PTPRD: variants seen among roughly 807,000 people sequenced by gnomAD.
PTPRD encodes the protein protein tyrosine phosphatase receptor type D.
PTPRD carries 34 observed loss-of-function variants against 214.5 expected under a neutral mutation model. The ratio of observed to expected loss-of-function variants is 0.16; its 90% CI spans 0.12 to 0.21. The LOEUF is 0.21. PTPRD is among the 10% of genes least tolerant of loss of function. The pLI, the probability that PTPRD is intolerant of heterozygous loss-of-function variation, is 1.00. For missense variants in PTPRD, 2,545 were observed against 2,398.7 expected (o/e 1.06, Z -1.27); for synonymous variants, 1,128 against 845.7 (o/e 1.33, Z -5.79).
At chr9:9,867,296 G>A (rs538987404) in intron 5 of PTPRD, among the ~76,000 whole-genome samples, 2 of 152,174 alleles carry the variant, frequency 1.3e-5, no homozygotes, top group South Asian at 4.2e-4. Context: ...TTCTTAGGCA[G>A]CTATGAATAA....
At chr9:8,416,140 T>C (rs1037880450) in intron 35 of PTPRD, among the ~76,000 whole-genome samples, 1 of 152,102 alleles carries the variant, frequency 6.6e-6, no homozygotes. Flanking sequence ...AGCTTGGAAA[T>C]AGCCTTAATA....
chr9:9,613,196 G>A (rs1279066360), intron 7 of PTPRD, among the ~76,000 whole-genome samples: 2 of 120,442 alleles, frequency 1.7e-5, no homozygotes, highest in Non-Finnish European at 1.7e-5. Context: ...TGAAGCATGT[G>A]GAATAATTTT....
intron 12 of PTPRD, among the ~76,000 whole-genome samples, chr9:8,662,303 A>G (rs1025066108): frequency 1.3e-5 from 2 of 151,938 alleles, no homozygotes; most frequent in Admixed American, 1.3e-4. Context: ...GCTATGTTGG[A>G]AAACAAACAA....
At chr9:8,792,687 C>T (rs1335400047) in intron 11 of PTPRD, among the ~76,000 whole-genome samples, 8 of 152,240 alleles carry the variant, frequency 5.3e-5, no homozygotes, top group Admixed American at 1.3e-4. Flanking sequence ...TTTAAGCACA[C>T]ATTTTGTGAG....
intron 9 of PTPRD, among the ~76,000 whole-genome samples, chr9:9,352,188 T>A (rs1414445546): frequency 6.6e-6 from 1 of 151,756 alleles, no homozygotes; most frequent in Non-Finnish European, 1.5e-5. Flanking sequence ...AAGAGCACCT[T>A]CACTTTTTAA....
At chr9:8,442,402 A>G (rs1043009094) in intron 34 of PTPRD, among the ~76,000 whole-genome samples, 15 of 143,360 alleles carry the variant, frequency 1.0e-4, no homozygotes, top group African/African-American at 4.2e-4. Context: ...TCTGCTAAGT[A>G]GAGTTTTTGA....
chr9:10,119,755 T>G (rs1423835519), intron 3 of PTPRD, among the ~76,000 whole-genome samples: 1 of 152,012 alleles, frequency 6.6e-6, no homozygotes, highest in Non-Finnish European at 1.5e-5. Flanking sequence ...GAACAAAAAT[T>G]TATTTTCCTG....
chr9:8,373,748 A>T (rs1239072624), intron 39 of PTPRD, among the ~76,000 whole-genome samples: 1 of 151,620 alleles, frequency 6.6e-6, no homozygotes, highest in Non-Finnish European at 1.5e-5. Context: ...CACGGTGCCT[A>T]GCATGAAACC....
intron 44 of PTPRD, among the ~76,000 whole-genome samples, chr9:8,326,078 C>A (rs1351954791): frequency 6.6e-6 from 1 of 152,088 alleles, no homozygotes; most frequent in Non-Finnish European, 1.5e-5. Context: ...TGTTGCCTGA[C>A]TGCCTTGGCC....
At chr9:9,360,001 G>T (rs2055406677) in intron 9 of PTPRD, among the ~76,000 whole-genome samples, 1 of 151,240 alleles carries the variant, frequency 6.6e-6, no homozygotes, top group African/African-American at 2.4e-5. Flanking sequence ...TAGTAAGGAT[G>T]CTTCAGTGAT....
In PTPRD at chr9:8,870,094, A is replaced by G. The variant is rs550121733; in HGVS notation, c.-103-136148T>C. ...TCAGGGAGAGAATTGGTCATGAGCT[A>G]TTTGTGTTGGTATATATCTCTTTCC... On this transcript the variant is annotated intron_variant, in intron 11 of 45. Coordinates refer to ENST00000381196, the MANE Select transcript of PTPRD (RefSeq NM_002839.4). 4.7e-5 allele frequency among the ~76,000 whole-genome samples: 7 copies of G among 150,170 alleles called. No individual in the cohort carries two copies. The South Asian group carries it at 1.3e-3, about 27-fold the overall frequency.
chr9:9,667,104 T>C (rs1395849472), intron 7 of PTPRD, among the ~76,000 whole-genome samples: 2 of 152,082 alleles, frequency 1.3e-5, no homozygotes, highest in African/African-American at 2.4e-5. Flanking sequence ...TATAGCTTTA[T>C]ATCTTCTTTA....
chr9:8,349,512 G>A (rs762200850), intron 39 of PTPRD, among the ~76,000 whole-genome samples: 3 of 152,008 alleles, frequency 2.0e-5, no homozygotes, highest in Non-Finnish European at 4.4e-5. Flanking sequence ...TGATAATGAC[G>A]GAACCCTATT....
intron 14 of PTPRD, among the ~76,000 whole-genome samples, chr9:8,587,898 C>G (rs1458072087): frequency 6.6e-6 from 1 of 152,154 alleles, no homozygotes; most frequent in Non-Finnish European, 1.5e-5. Flanking sequence ...CTCAAAGATG[C>G]CAACAAGTAC....
At chr9:9,608,781 T>C (rs1241112276) in intron 7 of PTPRD, among the ~76,000 whole-genome samples, 2 of 152,236 alleles carry the variant, frequency 1.3e-5, no homozygotes, top group African/African-American at 2.4e-5. Flanking sequence ...CAGCTCTTTA[T>C]TAAGAGTTAG....
chr9:8,374,115 TGTGTGTGTGTGTGTG>T (rs2082496484), intron 39 of PTPRD, among the ~76,000 whole-genome samples: 1 of 32,236 alleles, frequency 3.1e-5, no homozygotes, highest in Admixed American at 5.2e-4. Flanking sequence ...CACACGTGTC[TGTGTGTGTGTGTGTG>T]TGTGTGTGTG....
At chr9:9,514,511 C>A (rs2096787475) in intron 8 of PTPRD, among the ~76,000 whole-genome samples, 2 of 152,042 alleles carry the variant, frequency 1.3e-5, no homozygotes. Flanking sequence ...AATTTTATCA[C>A]AGGAGAGAAA....
chr9:9,192,270 C>T (rs2099935717), intron 9 of PTPRD, among the ~76,000 whole-genome samples: 1 of 151,778 alleles, frequency 6.6e-6, no homozygotes, highest in Non-Finnish European at 1.5e-5. Flanking sequence ...TGGGAGAAAG[C>T]AGGAGTGCAG....
Position 9,472,031 on chromosome 9 carries a change from AT to A in PTPRD, c.-236-74550del, listed in dbSNP as rs1309575258. On this transcript the variant is annotated intron_variant, in intron 8 of 45. Transcript: ENST00000381196. ...ACCATTACCTACTTATGTATCAAAT[AT>A]TTTAAGTGTCTAAGTGGTATATTGA... Among the ~76,000 whole-genome samples the A allele has an allele frequency of 3.3e-5, 5 of 152,222 alleles. No individual in the cohort carries two copies. In the East Asian group the frequency reaches 9.7e-4, roughly 29 times the overall value.
Sources: allele counts gnomAD v4.1 joint callset (sites outside exome capture counted in the v4.1 genomes callset), GRCh38; gene constraint gnomAD v4.1.1; transcripts MANE v1.5; gene names NCBI Gene and HGNC (gene_info 2026-07-23, HGNC 2026-07-21).